The following ZFHX3 variants were observed in gnomAD, a reference collection of about 807,000 sequenced individuals.
ZFHX3 encodes the protein zinc finger homeobox 3, also known as zinc finger homeobox protein 3.
In ZFHX3, 42 loss-of-function variants were observed where a neutral mutation model predicts 279.1. That is an observed-to-expected ratio of 0.15 (90% CI 0.12 to 0.19). The LOEUF (loss-of-function observed/expected upper bound fraction) is 0.19. ZFHX3 is among the 10% of genes least tolerant of loss of function. The probability of loss-of-function intolerance (pLI) is 1.00; values close to 1 mark genes in which losing one functional copy is unlikely to be tolerated. For synonymous variants in ZFHX3, 2,293 were observed against 1,957.8 expected, an observed-to-expected ratio of 1.17 and a Z score of -4.52; for missense variants, 4,981 against 4,754.0, an observed-to-expected ratio of 1.05 and a Z score of -1.40.
chr16:73,615,771 C>T (rs1487262973), intron 2 of ZFHX3, among the ~76,000 whole-genome samples: 1 of 152,150 alleles, frequency 6.6e-6, no homozygotes, highest in Non-Finnish European at 1.5e-5. Context: ...AGAGACAGAA[C>T]AGGGACTGAC....
chr16:73,468,396 G>A (rs1165011742), intron 2 of ZFHX3, among the ~76,000 whole-genome samples: 1 of 152,194 alleles, frequency 6.6e-6, no homozygotes, highest in Non-Finnish European at 1.5e-5. Context: ...AGCTGCAAGG[G>A]AGGCTGGAAT....
At chr16:73,464,312 C>G (rs2018524510) in intron 2 of ZFHX3, among the ~76,000 whole-genome samples, 1 of 151,920 alleles carries the variant, frequency 6.6e-6, no homozygotes, top group African/African-American at 2.4e-5. Flanking sequence ...CAATTTGTGC[C>G]GAGTGATTGC....
At chr16:73,851,542 G>C (rs1352856159) in intron 1 of ZFHX3, among the ~76,000 whole-genome samples, 1 of 152,146 alleles carries the variant, frequency 6.6e-6, no homozygotes, top group African/African-American at 2.4e-5. Context: ...AAAATTGCAG[G>C]TGGGACATTA....
At chr16:73,712,289 G>A (rs1469805729) in intron 1 of ZFHX3, among the ~76,000 whole-genome samples, 3 of 152,138 alleles carry the variant, frequency 2.0e-5, no homozygotes, top group Non-Finnish European at 4.4e-5. Context: ...ACCAAGCTCT[G>A]CCTGCCTCCT....
chr16:73,543,885 G>GGAGAGAGAGAGAGAGAGAGAGAGAGA (rs762967059), intron 2 of ZFHX3: 21 of 136,508 alleles, frequency 1.5e-4, no homozygotes, highest in African/African-American at 3.1e-4. Context: ...AGCGAGAGAG[G>GGAGAGAGAGAGAGAGAGAGAGAGAGA]GAGAGAGAGA....
At chr16:73,613,001 GA>G (rs1476150875) in intron 2 of ZFHX3, among the ~76,000 whole-genome samples, 1 of 152,196 alleles carries the variant, frequency 6.6e-6, no homozygotes, top group Non-Finnish European at 1.5e-5. Context: ...AAAAAAATTA[GA>G]GGAGAAAATT....
Position 72,958,709 on chromosome 16 carries a change from CTCT to C in ZFHX3, c.1434_1436del (p.Glu487del), listed in dbSNP as rs749251328. 123 of 1,613,768 alleles carry C rather than the reference CTCT, an allele frequency of 7.6e-5. No individual in the cohort carries two copies. The highest frequency in any genetic ancestry group is 5.0e-4 in the Middle Eastern group (3 of 5,962). ...CTTCCTCCTCCTCTTCTTCCTCCTC[CTCT>C]TCTTCCTCCTCCTCCTCCGCCTCTT... On this transcript the variant is annotated inframe_deletion, in exon 2 of 10. Transcript: ENST00000268489.
At chr16:73,241,790 CA>C (rs60214410) in intron 5 of ZFHX3, among the ~76,000 whole-genome samples, 11,701 of 51,570 alleles carry the variant, frequency 0.23, 326 homozygotes, top group Non-Finnish European at 0.29. Flanking sequence ...AACTCCGTCT[CA>C]AAAAAAAAAA....
chr16:73,543,231 C>A (rs1034117519), intron 2 of ZFHX3, among the ~76,000 whole-genome samples: 3 of 152,206 alleles, frequency 2.0e-5, no homozygotes, highest in Admixed American at 1.3e-4. Context: ...CTATTAAATA[C>A]AAGTCTATCC....
At chr16:73,597,248 C>G (rs866281658) in intron 2 of ZFHX3, among the ~76,000 whole-genome samples, 29 of 152,330 alleles carry the variant, frequency 1.9e-4, no homozygotes, top group African/African-American at 6.5e-4. Flanking sequence ...CTTCCCTGAT[C>G]TTACCCTCTG....
chr16:72,932,559 A>G (rs1032207387), intron 3 of ZFHX3, among the ~76,000 whole-genome samples: 3 of 151,686 alleles, frequency 2.0e-5, no homozygotes, highest in Non-Finnish European at 4.4e-5. Flanking sequence ...AGGCCACTAC[A>G]GATTGGCCAA....
In ZFHX3 at chr16:72,793,196, A is replaced by G; in HGVS notation, c.9427+59T>C. On this transcript the variant is annotated intron_variant, in intron 9 of 9. Coordinates refer to ENST00000268489, the MANE Select transcript of ZFHX3 (RefSeq NM_006885.4). The surrounding 1 kb of genome is among the most constrained non-coding windows in gnomAD (Gnocchi z 4.3). ...AGAGGGTTTGGGTGGTATCCACATA[A>G]CAGAATGCTGACTGGGCAGCTATTT... 6.5e-7 allele frequency: 1 copy of G among 1,542,630 alleles called. No individual in the cohort carries two copies. The highest frequency in any genetic ancestry group is 8.7e-7 in the Non-Finnish European group (1 of 1,146,822).
At chr16:73,246,609 G>A (rs77646813) in intron 5 of ZFHX3, among the ~76,000 whole-genome samples, 3,083 of 152,112 alleles carry the variant, frequency 0.02, 115 homozygotes, top group African/African-American at 0.071. Context: ...TCTATTTGCT[G>A]TTCATCTATA....
intron 7 of ZFHX3, among the ~76,000 whole-genome samples, chr16:73,125,851 T>C (rs796831878): frequency 7.9e-5 from 12 of 152,222 alleles, no homozygotes; most frequent in African/African-American, 2.9e-4. Flanking sequence ...TCTATTCCAT[T>C]AGTTCTGTCC....
intron 1 of ZFHX3, among the ~76,000 whole-genome samples, chr16:73,764,308 G>A (rs2053903656): frequency 6.6e-6 from 1 of 152,064 alleles, no homozygotes; most frequent in Non-Finnish European, 1.5e-5. Flanking sequence ...TTCTGCCTGT[G>A]ATTCAATCTC....
At chr16:73,209,069 C>T (rs1027256803) in intron 5 of ZFHX3, among the ~76,000 whole-genome samples, 1 of 152,108 alleles carries the variant, frequency 6.6e-6, no homozygotes, top group Non-Finnish European at 1.5e-5. Flanking sequence ...AATTATCATA[C>T]TCTCTACTTT....
intron 1 of ZFHX3, among the ~76,000 whole-genome samples, chr16:72,994,481 G>GTC (rs1275734209): frequency 1.3e-5 from 2 of 152,148 alleles, no homozygotes; most frequent in African/African-American, 4.8e-5. Flanking sequence ...AGTACCAATG[G>GTC]GACTTAGAGT....
intron 5 of ZFHX3, among the ~76,000 whole-genome samples, chr16:73,213,747 T>C (rs1396458920): frequency 6.6e-6 from 1 of 152,186 alleles, no homozygotes; most frequent in African/African-American, 2.4e-5. Context: ...TCTCCTAGTC[T>C]TGAGGTTTTG....
At chr16:72,916,638 T>A (rs1341903165) in intron 3 of ZFHX3, among the ~76,000 whole-genome samples, 1 of 152,158 alleles carries the variant, frequency 6.6e-6, no homozygotes, top group African/African-American at 2.4e-5. Flanking sequence ...CAGTTCTGTA[T>A]GGCCCCAAGA....
Sources: gnomAD v4.1 joint callset for allele counts (sites outside exome capture counted in the v4.1 genomes callset) on GRCh38, gnomAD v4.1.1 for gene constraint, Gnocchi (gnomAD v3.1) non-coding constraint, MANE v1.5 for transcripts, NCBI Gene and HGNC (gene_info 2026-07-23, HGNC 2026-07-21) for gene names.